Variants in NFATC2 observed in about 807,000 individuals in gnomAD.
The protein encoded by NFATC2 is nuclear factor of activated T cells 2.
A neutral mutation model predicts 87.3 loss-of-function variants in NFATC2; 22 were observed. The observed-to-expected ratio is 0.25, with a 90% confidence interval of 0.18 to 0.36. NFATC2 has a LOEUF of 0.36. Among genes scored for constraint, NFATC2 ranks in the 10% least tolerant of loss-of-function variants. NFATC2 has a pLI of 1.00. For missense variants in NFATC2, 1,149 were observed against 1,259.1 expected, an observed-to-expected ratio of 0.91 and a Z score of 1.32; for synonymous variants, 565 against 542.2, an observed-to-expected ratio of 1.04 and a Z score of -0.58.
chr20:51,448,251 C>G (rs1332409944), intron 6 of NFATC2, among the ~76,000 whole-genome samples: 1 of 152,082 alleles, frequency 6.6e-6, no homozygotes, highest in African/African-American at 2.4e-5. Flanking sequence ...GTCTGGGAAG[C>G]GGGACAACTT....
chr20:51,489,658 G>A (rs929179066), intron 3 of NFATC2, among the ~76,000 whole-genome samples: 1 of 152,162 alleles, frequency 6.6e-6, no homozygotes, highest in African/African-American at 2.4e-5. Flanking sequence ...ATGGATACGT[G>A]CACCGGCCTG....
At chr20:51,428,391 C>G (rs1289632094) in intron 9 of NFATC2, among the ~76,000 whole-genome samples, 1 of 152,178 alleles carries the variant, frequency 6.6e-6, no homozygotes, top group Non-Finnish European at 1.5e-5. Context: ...GCCTTGGGCC[C>G]TGGAATATTA....
intron 5 of NFATC2, among the ~76,000 whole-genome samples, chr20:51,465,595 G>A (rs1987602343): frequency 6.6e-6 from 1 of 152,012 alleles, no homozygotes; most frequent in Non-Finnish European, 1.5e-5. Context: ...CCTTTGTACT[G>A]GCTATACTTC....
chr20:51,528,229 G>A lies in NFATC2; in HGVS notation c.131-4119C>T, dbSNP rs549088310. 3.9e-5 allele frequency among the ~76,000 whole-genome samples: 6 copies of A among 152,228 alleles called. No individual in the cohort carries two copies. In the South Asian group the frequency reaches 1.0e-3, roughly 26 times the overall value. On this transcript the variant is annotated intron_variant, in intron 1 of 10. Transcript: ENST00000371564. ...AACCCAAAGCCCATCTATTGGGGATGAATTAATTCTGGCTCATTCATATGA... is the reference window on the plus strand; with the variant it reads ...AACCCAAAGCCCATCTATTGGGGATAAATTAATTCTGGCTCATTCATATGA...
chr20:51,458,817 C>CA (rs35587795), intron 5 of NFATC2, among the ~76,000 whole-genome samples: 31 of 150,906 alleles, frequency 2.1e-4, no homozygotes, highest in Admixed American at 8.6e-4. Context: ...CTCTCAAAAA[C>CA]AAAAAAAAAT....
At chr20:51,556,722 G>A (rs2076981442) in intron 1 of NFATC2, among the ~76,000 whole-genome samples, 1 of 152,104 alleles carries the variant, frequency 6.6e-6, no homozygotes, top group Admixed American at 6.5e-5. Context: ...CGTTGAGGAG[G>A]AGCGATAGCA....
At chr20:51,415,245 C>CAAAA (rs33978165) in intron 9 of NFATC2, among the ~76,000 whole-genome samples, 11 of 136,576 alleles carry the variant, frequency 8.1e-5, no homozygotes, top group East Asian at 2.1e-4. Context: ...GACCCTGTAT[C>CAAAA]AAAAAAAAAA....
rs148566180 is a variant in NFATC2, at chr20:51,488,159, A to G, written c.1333-12499T>C. ...CCCAAGTTCATTCACTCCTCCGTTT[A>G]GTCATTCACGCAGCAAAGTGCCTCT... On this transcript the variant is annotated intron_variant, in intron 3 of 10. Coordinates refer to ENST00000371564, the MANE Select transcript of NFATC2 (RefSeq NM_012340.5). Among the ~76,000 whole-genome samples the G allele has an allele frequency of 3.3e-4, 50 of 152,262 alleles. No individual in the cohort carries two copies. In the East Asian group the frequency reaches 9.3e-3, roughly 28 times the overall value.
chr20:51,462,611 CACTT>C (rs1987277198), intron 5 of NFATC2, among the ~76,000 whole-genome samples: 1 of 152,124 alleles, frequency 6.6e-6, no homozygotes, highest in Non-Finnish European at 1.5e-5. Context: ...TTGAGCAAGA[CACTT>C]AATTTCTTTG....
chr20:51,421,440 G>T (rs1039765585), intron 9 of NFATC2, among the ~76,000 whole-genome samples: 5 of 152,134 alleles, frequency 3.3e-5, no homozygotes, highest in Non-Finnish European at 7.4e-5. Flanking sequence ...ACGCCTAATG[G>T]GTCCAGATAG....
At chr20:51,494,920 G>A (rs145744519) in intron 3 of NFATC2, among the ~76,000 whole-genome samples, 141 of 152,198 alleles carry the variant, frequency 9.3e-4, no homozygotes, top group African/African-American at 3.2e-3. Flanking sequence ...CAGCTGGTGT[G>A]TCCCCCTCCT....
chr20:51,561,368 A>G (rs1028416419), intron 1 of NFATC2, among the ~76,000 whole-genome samples: 13 of 150,504 alleles, frequency 8.6e-5, no homozygotes, highest in African/African-American at 3.2e-4. Context: ...AAAAGAAAGA[A>G]AGAGAGAGAA....
chr20:51,440,429 C>A (rs968592539), intron 6 of NFATC2, among the ~76,000 whole-genome samples: 40 of 152,054 alleles, frequency 2.6e-4, no homozygotes, highest in Non-Finnish European at 1.5e-5. Context: ...TTTATGATTG[C>A]AATACTTCTG....
intron 3 of NFATC2, among the ~76,000 whole-genome samples, chr20:51,494,452 T>C (rs1027817733): frequency 3.2e-4 from 48 of 152,272 alleles, no homozygotes; most frequent in African/African-American, 1.2e-3. Context: ...CACTTCGCTC[T>C]TGAGGGGCTC....
chr20:51,489,368 A>G (rs2075843501), intron 3 of NFATC2, among the ~76,000 whole-genome samples: 2 of 152,210 alleles, frequency 1.3e-5, no homozygotes, highest in Admixed American at 1.3e-4. Context: ...CTGGAGTTGA[A>G]CAGGAGGTAA....
intron 3 of NFATC2, among the ~76,000 whole-genome samples, chr20:51,515,675 G>A (rs547460136): frequency 1.7e-4 from 24 of 137,718 alleles, no homozygotes; most frequent in African/African-American, 6.4e-4. Flanking sequence ...GATGGCTATG[G>A]TGTCTGATTT....
At chr20:51,484,635 T>C (rs967770445) in intron 3 of NFATC2, among the ~76,000 whole-genome samples, 2 of 152,234 alleles carry the variant, frequency 1.3e-5, no homozygotes, top group East Asian at 1.9e-4. Flanking sequence ...AGAGCTGTTA[T>C]ACGCCCACAC....
chr20:51,411,438 C>T (rs1979213269), intron 9 of NFATC2, among the ~76,000 whole-genome samples: 1 of 151,646 alleles, frequency 6.6e-6, no homozygotes, highest in South Asian at 2.1e-4. Flanking sequence ...ATACACACAC[C>T]CATACACACA....
intron 3 of NFATC2, among the ~76,000 whole-genome samples, chr20:51,514,742 G>A (rs568258189): frequency 6.6e-6 from 1 of 152,198 alleles, no homozygotes; most frequent in South Asian, 2.1e-4. Context: ...GCATGGTGGC[G>A]CACACCTGTA....
Sources: gnomAD v4.1 joint callset for allele counts (sites outside exome capture counted in the v4.1 genomes callset) on GRCh38, gnomAD v4.1.1 for gene constraint, MANE v1.5 for transcripts, NCBI Gene and HGNC (gene_info 2026-07-23, HGNC 2026-07-21) for gene names.